The following PRSS12 variants were observed in gnomAD, a reference collection of about 807,000 sequenced individuals.
The protein encoded by PRSS12 is neurotrypsin.
A neutral mutation model predicts 104.4 loss-of-function variants in PRSS12; 85 were observed. The ratio of observed to expected loss-of-function variants is 0.81; its 90% CI spans 0.68 to 0.98. The LOEUF (loss-of-function observed/expected upper bound fraction) is 0.98. PRSS12 is among the 50% of genes least tolerant of loss of function. The pLI, the probability that PRSS12 is intolerant of heterozygous loss-of-function variation, is 0.00. For synonymous variants in PRSS12, 454 were observed against 425.2 expected, an observed-to-expected ratio of 1.07 and a Z score of -0.83; for missense variants, 1,141 against 1,139.2, an observed-to-expected ratio of 1.00 and a Z score of -0.02.
chr4:118,319,921 C>T (rs1723564638), intron 4 of PRSS12, among the ~76,000 whole-genome samples: 1 of 152,196 alleles, frequency 6.6e-6, no homozygotes, highest in South Asian at 2.1e-4. Flanking sequence ...AGCAATCTTC[C>T]CACCTCAACC....
intron 8 of PRSS12, 106 bp downstream of exon 8, chr4:118,308,330 G>T: frequency 6.9e-7 from 1 of 1,453,538 alleles, no homozygotes; most frequent in Non-Finnish European, 9.6e-7. Flanking sequence ...ATTTTCAAAT[G>T]AATGACAGAA....
chr4:118,301,195 C>A (rs1236961095), intron 8 of PRSS12, among the ~76,000 whole-genome samples: 1 of 152,032 alleles, frequency 6.6e-6, no homozygotes, highest in Non-Finnish European at 1.5e-5. Context: ...GTCCCAATAA[C>A]CTGCTGATTT....
chr4:118,319,832 C>A (rs1228081533), intron 4 of PRSS12, among the ~76,000 whole-genome samples: 1 of 151,910 alleles, frequency 6.6e-6, no homozygotes, highest in African/African-American at 2.4e-5. Context: ...TGCATACCAC[C>A]GTGCCAGTGA....
chr4:118,289,344 A>G (rs1476972210), intron 11 of PRSS12, among the ~76,000 whole-genome samples: 2 of 152,212 alleles, frequency 1.3e-5, no homozygotes, highest in Non-Finnish European at 1.5e-5. Flanking sequence ...TTAGGTACCA[A>G]GGAAGCTCTG....
chr4:118,310,583 T>C (rs1743684285), intron 7 of PRSS12, among the ~76,000 whole-genome samples: 1 of 152,148 alleles, frequency 6.6e-6, no homozygotes, highest in Admixed American at 6.5e-5. Flanking sequence ...CTTAAATATA[T>C]AAAGTTTTTG....
rs769180830 is a variant in PRSS12 at position 118,283,043 on chromosome 4, A to C, written c.2108T>G (p.Phe703Cys). The C allele has an allele frequency of 5.6e-6, 9 of 1,613,952 alleles. No homozygotes were observed. Among genetic ancestry groups the C allele is most frequent in the Non-Finnish European group, 7.6e-6 (9 of 1,180,012 alleles). ...GDYHTLVPEE[F>C]EEEIGVQQIV... ...CTGTTGAACTCCAATTTCTTCCTCA[A>C]ACTCCTCTGGTACCAGAGTATGATA... The change falls in exon 12 of 13, where the codon TTT becomes TGT. Residue 703 changes from phenylalanine (F) to cysteine (C), a missense_variant. Coordinates refer to ENST00000296498, the MANE Select transcript of PRSS12 (RefSeq NM_003619.4).
chr4:118,299,443 G>A (rs545812442), intron 8 of PRSS12, among the ~76,000 whole-genome samples: 1 of 152,076 alleles, frequency 6.6e-6, no homozygotes, highest in East Asian at 1.9e-4. Flanking sequence ...CACTTTGGGA[G>A]GCCAAGGCGG....
In PRSS12 at chr4:118,282,835, G is replaced by T; in HGVS notation, c.2316C>A (p.Asp772Glu). The change falls in exon 12 of 13, where the codon GAC becomes GAA. Residue 772 changes from aspartate (D) to glutamate (E), a missense_variant. Asp to Glu is a conservative substitution (Grantham distance 45). Coordinates refer to ENST00000296498, the MANE Select transcript of PRSS12 (RefSeq NM_003619.4). The stretch of plus-strand genomic sequence containing the variant: ...CTTTTTTTGATTATGCCTTACCTGT[G>T]TCACCCCATCCTGTTATGTAACAGT... Reference protein sequence around the residue: ...ASNCYITGWGDTGRAYSRTLQ... With the variant: ...ASNCYITGWGETGRAYSRTLQ... 1 of 1,614,070 alleles carries T rather than the reference G, an allele frequency of 6.2e-7. No homozygotes were observed. Among genetic ancestry groups the T allele is most frequent in the East Asian group, 2.2e-5 (1 of 44,882 alleles).
intron 8 of PRSS12, among the ~76,000 whole-genome samples, chr4:118,306,828 A>AAG (rs1309805888): frequency 1.1e-3 from 171 of 152,304 alleles, no homozygotes; most frequent in African/African-American, 3.9e-3. Flanking sequence ...TGCTTGATGA[A>AAG]TATGCCTAGA....
At chr4:118,316,721 C>T (rs1451882937) in intron 5 of PRSS12, among the ~76,000 whole-genome samples, 1 of 151,400 alleles carries the variant, frequency 6.6e-6, no homozygotes, top group Non-Finnish European at 1.5e-5. Flanking sequence ...ACTTGGGAGG[C>T]TGAGGCGGGA....
intron 8 of PRSS12, among the ~76,000 whole-genome samples, chr4:118,308,122 T>C (rs1254610709): frequency 2.0e-5 from 3 of 152,176 alleles, no homozygotes; most frequent in Non-Finnish European, 4.4e-5. Flanking sequence ...TGTTGAAACA[T>C]CAATCACAGA....
At chr4:118,316,837 A>AAAAAAAATATATATATATATATAT (rs35698159) in intron 5 of PRSS12, among the ~76,000 whole-genome samples, 2 of 99,194 alleles carry the variant, frequency 2.0e-5, no homozygotes, top group African/African-American at 6.9e-5. Context: ...AAAAAAAAAA[A>AAAAAAAATATATATATATATATAT]ATATATATAT....
At chr4:118,316,525 T>G (rs530438796) in intron 5 of PRSS12, among the ~76,000 whole-genome samples, 2 of 152,196 alleles carry the variant, frequency 1.3e-5, no homozygotes, top group East Asian at 3.9e-4. Flanking sequence ...TCTGTCCTAA[T>G]AAAATATTCT....
chr4:118,285,408 A>T (rs892763441), intron 11 of PRSS12, among the ~76,000 whole-genome samples: 1 of 152,214 alleles, frequency 6.6e-6, no homozygotes, highest in African/African-American at 2.4e-5. Flanking sequence ...TATTAACAGT[A>T]CATTCACATA....
chr4:118,282,844 T>C lies in PRSS12; in HGVS notation c.2307A>G (p.Gly769=), dbSNP rs765113919. Reference sequence around the variant, plus strand: ...ATTATGCCTTACCTGTGTCACCCCATCCTGTTATGTAACAGTTGGATGCTG... The same window carrying C: ...ATTATGCCTTACCTGTGTCACCCCACCCTGTTATGTAACAGTTGGATGCTG... ...QKTASNCYIT[G]WGDTGRAYSR... Residue 769 remains glycine, a synonymous_variant, in exon 12 of 13, where the codon GGA becomes GGG. Coordinates refer to ENST00000296498, the MANE Select transcript of PRSS12 (RefSeq NM_003619.4). The C allele has an allele frequency of 1.2e-6, 2 of 1,614,162 alleles. No homozygotes were observed. Among genetic ancestry groups the C allele is most frequent in the Non-Finnish European group, 1.7e-6 (2 of 1,180,022 alleles).
intron 1 of PRSS12, among the ~76,000 whole-genome samples, chr4:118,350,747 A>G (rs969316881): frequency 2.5e-4 from 37 of 150,952 alleles, no homozygotes; most frequent in Non-Finnish European, 4.3e-4. Flanking sequence ...GAGTTATGTC[A>G]GAAAGAGAGC....
Position 118,344,042 on chromosome 4 carries a change from C to A in PRSS12, c.503-5728G>T, listed in dbSNP as rs185602294. 1.4e-3 allele frequency among the ~76,000 whole-genome samples: 216 copies of A among 151,974 alleles called. 2 individuals are homozygous for A. The highest frequency in any genetic ancestry group is 4.6e-3 in the African/African-American group (191 of 41,462). The stretch of plus-strand genomic sequence containing the variant: ...ATTAGTTTTAGTCATTTCTATTGTT[C>A]TAGTGGAATAGAAAGAATGCATACT... On this transcript the variant is annotated intron_variant, in intron 1 of 12. Transcript: ENST00000296498.
intron 7 of PRSS12, among the ~76,000 whole-genome samples, chr4:118,310,085 G>A (rs1743667828): frequency 6.6e-6 from 1 of 152,086 alleles, no homozygotes; most frequent in African/African-American, 2.4e-5. Context: ...AAAACTTGGA[G>A]TTTTAGCTGT....
intron 4 of PRSS12, among the ~76,000 whole-genome samples, chr4:118,323,930 G>C (rs1723698621): frequency 6.6e-6 from 1 of 151,872 alleles, no homozygotes; most frequent in Non-Finnish European, 1.5e-5. Flanking sequence ...GACAGCATCT[G>C]GTTCTGTCAC....
Sources: allele counts gnomAD v4.1 joint callset (sites outside exome capture counted in the v4.1 genomes callset), GRCh38; gene constraint gnomAD v4.1.1; transcripts MANE v1.5; gene names NCBI Gene and HGNC (gene_info 2026-07-23, HGNC 2026-07-21).